The following DAB1 variants were observed in gnomAD, a reference collection of about 807,000 sequenced individuals.
DAB1 encodes the protein DAB adaptor protein 1.
Under a neutral mutation model 64.6 loss-of-function variants are expected in DAB1, and 15 were observed. The observed-to-expected ratio is 0.23, with a 90% confidence interval of 0.16 to 0.36. The LOEUF is 0.36. Among genes scored for constraint, DAB1 ranks in the 10% least tolerant of loss-of-function variants. The pLI is 1.00. For synonymous variants in DAB1, 235 were observed against 251.9 expected (o/e 0.93, Z 0.64); for missense variants, 596 against 706.7 (o/e 0.84, Z 1.78).
At chr1:57,388,702 C>T (rs1487968619) in intron 1 of DAB1, among the ~76,000 whole-genome samples, 2 of 152,176 alleles carry the variant, frequency 1.3e-5, no homozygotes, top group Non-Finnish European at 2.9e-5. Context: ...CAAAGACAGA[C>T]CTTTTGGAAG....
intron 1 of DAB1, among the ~76,000 whole-genome samples, chr1:57,394,882 G>A (rs1354168219): frequency 6.6e-6 from 1 of 152,134 alleles, no homozygotes; most frequent in African/African-American, 2.4e-5. Context: ...TTTGGAGAAT[G>A]TTTTTAGATT....
At chr1:57,959,929 C>T (rs531479834) in intron 5 of DAB1, among the ~76,000 whole-genome samples, 2 of 152,204 alleles carry the variant, frequency 1.3e-5, no homozygotes, top group Admixed American at 6.5e-5. Flanking sequence ...CAGTTTTTTT[C>T]ACTCTTCTTT....
intron 7 of DAB1, among the ~76,000 whole-genome samples, chr1:57,550,261 C>T (rs922761172): frequency 6.6e-6 from 1 of 152,126 alleles, no homozygotes. Context: ...GTATTGCATG[C>T]CATTCACAGA....
At chr1:57,708,548 C>T (rs1646993267) in intron 6 of DAB1, among the ~76,000 whole-genome samples, 1 of 152,206 alleles carries the variant, frequency 6.6e-6, no homozygotes, top group Non-Finnish European at 1.5e-5. Context: ...ATGACTGCTA[C>T]TCAAATTTAT....
intron 2 of DAB1, among the ~76,000 whole-genome samples, chr1:57,261,636 C>G (rs1241390511): frequency 6.6e-6 from 1 of 152,118 alleles, no homozygotes; most frequent in Non-Finnish European, 1.5e-5. Context: ...CCAAAAGCAT[C>G]ACTCAGCTCA....
chr1:57,580,022 G>A (rs534743616), intron 7 of DAB1, among the ~76,000 whole-genome samples: 1 of 152,262 alleles, frequency 6.6e-6, no homozygotes, highest in East Asian at 1.9e-4. Flanking sequence ...GAAAGGGCAA[G>A]GCAGGGCACA....
intron 4 of DAB1, among the ~76,000 whole-genome samples, chr1:58,237,845 C>T (rs1660115882): frequency 6.6e-6 from 1 of 152,124 alleles, no homozygotes; most frequent in African/African-American, 2.4e-5. Context: ...TGATCATTAC[C>T]ATATATTGAG....
chr1:57,504,060 A>G (rs559534069), intron 7 of DAB1, among the ~76,000 whole-genome samples: 89 of 152,304 alleles, frequency 5.8e-4, no homozygotes, highest in Non-Finnish European at 9.6e-4. Flanking sequence ...TGTCATCTTA[A>G]TATCTCTGGA....
chr1:57,569,814 G>A (rs766353532), intron 7 of DAB1, among the ~76,000 whole-genome samples: 2 of 151,956 alleles, frequency 1.3e-5, no homozygotes, highest in African/African-American at 2.4e-5. Flanking sequence ...AAGATTTATC[G>A]ATTTCACATC....
At chr1:57,186,930 A>G (rs552354933) in intron 2 of DAB1, among the ~76,000 whole-genome samples, 2 of 152,242 alleles carry the variant, frequency 1.3e-5, no homozygotes, top group Non-Finnish European at 2.9e-5. Context: ...GCTCCAGGCT[A>G]ATTCATTTCT....
chr1:58,072,087 G>GGGA (rs1553157689), intron 5 of DAB1, among the ~76,000 whole-genome samples: 1 of 128,612 alleles, frequency 7.8e-6, no homozygotes, highest in Non-Finnish European at 1.7e-5. Context: ...TGGTGGGGTG[G>GGGA]GGGGGGGTGG....
intron 9 of DAB1, among the ~76,000 whole-genome samples, chr1:57,047,346 C>T (rs1174150062): frequency 1.3e-5 from 2 of 152,156 alleles, no homozygotes; most frequent in African/African-American, 2.4e-5. Flanking sequence ...TCCCAAAATT[C>T]GTATGTTAAA....
At chr1:57,559,172 G>A (rs749334313) in intron 7 of DAB1, among the ~76,000 whole-genome samples, 4 of 152,186 alleles carry the variant, frequency 2.6e-5, no homozygotes, top group Non-Finnish European at 5.9e-5. Context: ...TAGAGCTCTG[G>A]CATTGGCTAA....
intron 9 of DAB1, among the ~76,000 whole-genome samples, chr1:57,058,114 G>A (rs1448484945): frequency 6.6e-6 from 1 of 152,210 alleles, no homozygotes; most frequent in Non-Finnish European, 1.5e-5. Context: ...CTGATGCTGA[G>A]TTCCTGATGT....
intron 5 of DAB1, among the ~76,000 whole-genome samples, chr1:57,918,004 G>T (rs1177392603): frequency 6.6e-6 from 1 of 151,716 alleles, no homozygotes; most frequent in Non-Finnish European, 1.5e-5. Flanking sequence ...GGAGGCAGAG[G>T]TTGCAGTGAG....
intron 2 of DAB1, among the ~76,000 whole-genome samples, chr1:57,214,480 T>A (rs961423522): frequency 5.9e-5 from 9 of 152,190 alleles, no homozygotes; most frequent in African/African-American, 2.2e-4. Flanking sequence ...ATTTCTCAAG[T>A]TTTTTTAAAC....
At chr1:57,762,717 T>TC (rs1649141092) in intron 6 of DAB1, among the ~76,000 whole-genome samples, 1 of 152,202 alleles carries the variant, frequency 6.6e-6, no homozygotes, top group Admixed American at 6.5e-5. Context: ...TTGGGACTTC[T>TC]GTTCTCAGAG....
chr1:57,832,489 T>A (rs1484144431), intron 1 of DAB1, among the ~76,000 whole-genome samples: 1 of 152,206 alleles, frequency 6.6e-6, no homozygotes, highest in Non-Finnish European at 1.5e-5. Context: ...GAACAGCCTA[T>A]GAGAATGGTA....
At chr1:57,443,077 A>G (rs1686013244) in intron 7 of DAB1, among the ~76,000 whole-genome samples, 1 of 152,242 alleles carries the variant, frequency 6.6e-6, no homozygotes, top group Admixed American at 6.5e-5. Flanking sequence ...AAACAAGTCT[A>G]TCATGGGTAC....
Sources: allele counts gnomAD v4.1 joint callset (sites outside exome capture counted in the v4.1 genomes callset), GRCh38; gene constraint gnomAD v4.1.1; transcripts MANE v1.5; gene names NCBI Gene and HGNC (gene_info 2026-07-23, HGNC 2026-07-21).